Variants in STXBP5L observed in about 807,000 individuals in gnomAD.
The protein encoded by STXBP5L is syntaxin binding protein 5L.
Under a neutral mutation model 144.5 loss-of-function variants are expected in STXBP5L, and 65 were observed. The observed-to-expected ratio is 0.45, with a 90% CI of 0.37 to 0.55. The LOEUF (loss-of-function observed/expected upper bound fraction) is 0.55, where lower values mean the gene tolerates loss of function less well. STXBP5L is among the 20% of genes least tolerant of loss of function. The probability of loss-of-function intolerance (pLI) is 0.00; values close to 1 mark genes in which losing one functional copy is unlikely to be tolerated. For synonymous variants in STXBP5L, 505 were observed against 469.6 expected, an observed-to-expected ratio of 1.08 and a Z score of -0.97; for missense variants, 1,298 against 1,405.5, an observed-to-expected ratio of 0.92 and a Z score of 1.22.
intron 10 of STXBP5L, among the ~76,000 whole-genome samples, chr3:121,208,843 G>A (rs2048441867): frequency 1.3e-5 from 2 of 151,854 alleles, no homozygotes; most frequent in Admixed American, 1.3e-4. Flanking sequence ...AGTTATACAC[G>A]TGCCATGGTG....
chr3:120,921,851 T>A (rs1052929244), intron 2 of STXBP5L, among the ~76,000 whole-genome samples: 14 of 152,134 alleles, frequency 9.2e-5, no homozygotes, highest in Admixed American at 6.6e-5. Flanking sequence ...AGTATCATGC[T>A]AATTTGGTTA....
intron 2 of STXBP5L, among the ~76,000 whole-genome samples, chr3:120,912,790 A>C (rs539230609): frequency 6.6e-6 from 1 of 152,074 alleles, no homozygotes; most frequent in African/African-American, 2.4e-5. Context: ...ATAAATTTCA[A>C]ATTGCTTACC....
At chr3:121,417,458 T>C (rs2047265108) in intron 25 of STXBP5L, among the ~76,000 whole-genome samples, 3 of 152,136 alleles carry the variant, frequency 2.0e-5, no homozygotes, top group South Asian at 2.1e-4. Context: ...TGTTTTTTTT[T>C]CCTTAAAAAT....
chr3:121,017,869 G>A (rs1270436095), intron 3 of STXBP5L, among the ~76,000 whole-genome samples: 1 of 152,094 alleles, frequency 6.6e-6, no homozygotes, highest in African/African-American at 2.4e-5. Context: ...TTGAGGCCAG[G>A]AGTTCAAGTC....
At chr3:121,138,367 C>G (rs1459494454) in intron 7 of STXBP5L, among the ~76,000 whole-genome samples, 1 of 151,982 alleles carries the variant, frequency 6.6e-6, no homozygotes, top group Non-Finnish European at 1.5e-5. Context: ...CAGTTTCTAT[C>G]AAAATACCAA....
chr3:120,931,647 C>A (rs531074310), intron 2 of STXBP5L, among the ~76,000 whole-genome samples: 38 of 152,148 alleles, frequency 2.5e-4, no homozygotes, highest in African/African-American at 9.2e-4. Context: ...AGCAGGTATG[C>A]TTTAAGAACT....
intron 19 of STXBP5L, among the ~76,000 whole-genome samples, chr3:121,311,278 TAGAC>T (rs762348742): frequency 2.4e-4 from 37 of 152,268 alleles, no homozygotes; most frequent in Admixed American, 5.2e-4. Flanking sequence ...GAATGCAAAA[TAGAC>T]AGCCCCTGTC....
intron 5 of STXBP5L, among the ~76,000 whole-genome samples, chr3:121,062,599 T>A (rs888865602): frequency 6.6e-6 from 1 of 152,204 alleles, no homozygotes; most frequent in East Asian, 1.9e-4. Context: ...TACTGAAGAG[T>A]GTTTTCCAAC....
chr3:120,980,996 A>AT lies in STXBP5L; in HGVS notation c.287+25969dup, dbSNP rs1007424211. On this transcript the variant is annotated intron_variant, in intron 3 of 26. Coordinates refer to ENST00000471454, the MANE Select transcript of STXBP5L (RefSeq NM_001308330.2). ...AGCAGGATACAAAATCCTTTGCTAG[A>AT]TTTTTTTTTTCTTCAAAGAGACTGA... Among the ~76,000 whole-genome samples, 107 of 150,390 alleles carry AT rather than the reference A, an allele frequency of 7.1e-4. 1 individual carries two copies. The East Asian group carries it at 0.012, about 16-fold the overall frequency.
intron 3 of STXBP5L, among the ~76,000 whole-genome samples, chr3:121,033,548 G>C (rs1342760357): frequency 1.5e-5 from 2 of 131,884 alleles, no homozygotes; most frequent in Non-Finnish European, 3.2e-5. Context: ...ATGTGAACAT[G>C]TACCCTAAAA....
At chr3:121,216,101 T>C (rs1328591980) in intron 10 of STXBP5L, among the ~76,000 whole-genome samples, 1 of 152,204 alleles carries the variant, frequency 6.6e-6, no homozygotes, top group Non-Finnish European at 1.5e-5. Flanking sequence ...CTAACCTTTT[T>C]TCAAGGTTCT....
intron 3 of STXBP5L, among the ~76,000 whole-genome samples, chr3:120,959,099 TATAC>T (rs1938416652): frequency 6.6e-6 from 1 of 152,158 alleles, no homozygotes; most frequent in Non-Finnish European, 1.5e-5. Context: ...CAAGCATTCT[TATAC>T]ACCAAAAACA....
intron 3 of STXBP5L, among the ~76,000 whole-genome samples, chr3:120,959,755 C>G (rs1200729284): frequency 1.3e-5 from 2 of 152,116 alleles, no homozygotes; most frequent in Admixed American, 6.5e-5. Context: ...AAAATTAATT[C>G]AAGATGGATT....
At chr3:120,952,575 G>A (rs1259247804) in intron 2 of STXBP5L, among the ~76,000 whole-genome samples, 2 of 151,738 alleles carry the variant, frequency 1.3e-5, no homozygotes, top group African/African-American at 4.8e-5. Flanking sequence ...TAAAGCACTG[G>A]ATTTATAATG....
At chr3:120,936,271 A>T (rs527513564) in intron 2 of STXBP5L, among the ~76,000 whole-genome samples, 1 of 152,074 alleles carries the variant, frequency 6.6e-6, no homozygotes, top group Admixed American at 6.6e-5. Flanking sequence ...ACTGTTTTTT[A>T]TAAAGCCCAT....
At chr3:121,143,166 CA>C (rs1206501108) in intron 7 of STXBP5L, among the ~76,000 whole-genome samples, 1 of 151,144 alleles carries the variant, frequency 6.6e-6, no homozygotes, top group African/African-American at 2.4e-5. Context: ...CATGAAGAAA[CA>C]GAACGTCTAA....
intron 20 of STXBP5L, among the ~76,000 whole-genome samples, chr3:121,355,071 G>T (rs1032090537): frequency 2.0e-5 from 3 of 152,140 alleles, no homozygotes; most frequent in Non-Finnish European, 4.4e-5. Context: ...TAGTCTGATG[G>T]GCTTTCTTTT....
intron 18 of STXBP5L, among the ~76,000 whole-genome samples, chr3:121,274,524 C>T (rs943227547): frequency 1.2e-4 from 18 of 152,214 alleles, no homozygotes; most frequent in African/African-American, 4.3e-4. Flanking sequence ...GTCTGATGTG[C>T]TGGCACACAT....
At chr3:121,363,085 G>A (rs1374137097) in intron 20 of STXBP5L, among the ~76,000 whole-genome samples, 1 of 152,064 alleles carries the variant, frequency 6.6e-6, no homozygotes, top group Non-Finnish European at 1.5e-5. Context: ...GCCCTATCCT[G>A]ATGTGACTGA....
Sources: allele counts gnomAD v4.1 joint callset (sites outside exome capture counted in the v4.1 genomes callset), GRCh38; gene constraint gnomAD v4.1.1; transcripts MANE v1.5; gene names NCBI Gene and HGNC (gene_info 2026-07-23, HGNC 2026-07-21).